Variants in MCTP2 observed in about 807,000 individuals in gnomAD.
The protein encoded by MCTP2 is multiple C2 and transmembrane domain-containing protein 2.
In MCTP2, 132 loss-of-function variants were observed where a neutral mutation model predicts 111.6. The observed-to-expected ratio is 1.18, with a 90% CI of 1.03 to 1.37. MCTP2 has a LOEUF of 1.37. MCTP2 is among the 40% of genes most tolerant of loss of function. MCTP2 has a pLI of 0.00. For synonymous variants in MCTP2, 395 were observed against 387.7 expected (o/e 1.02, Z -0.22); for missense variants, 1,183 against 1,067.9 (o/e 1.11, Z -1.50).
At position 94,315,644 on chromosome 15, in the gene MCTP2, C is replaced by T; in HGVS notation, c.637+7C>T. ...GTTGTCCGAGATCGCTGTGGTAAGACCTGGGTCTGTTATGGTGGGTGTAGC... is the reference window on the plus strand; with the variant it reads ...GTTGTCCGAGATCGCTGTGGTAAGATCTGGGTCTGTTATGGTGGGTGTAGC... On this transcript the variant is annotated splice_region_variant and intron_variant, in intron 4 of 22. Transcript: ENST00000357742. The T allele has an allele frequency of 6.2e-7, 1 of 1,606,478 alleles. No individual in the cohort carries two copies. Among genetic ancestry groups the T allele is most frequent in the Non-Finnish European group, 8.5e-7 (1 of 1,173,122 alleles).
At chr15:94,405,496 G>A (rs1262045109) in intron 17 of MCTP2, among the ~76,000 whole-genome samples, 1 of 152,198 alleles carries the variant, frequency 6.6e-6, no homozygotes, top group Non-Finnish European at 1.5e-5. Context: ...CTCGTCAGAA[G>A]TGGATGGACA....
chr15:94,397,544 C>T (rs1260644213), intron 14 of MCTP2, among the ~76,000 whole-genome samples: 2 of 152,164 alleles, frequency 1.3e-5, no homozygotes, highest in South Asian at 2.1e-4. Flanking sequence ...GTTTGGACAC[C>T]GTTTAGGAAG....
chr15:94,413,569 AGTGTGTGT>A (rs34860214), intron 17 of MCTP2, among the ~76,000 whole-genome samples: 3 of 149,242 alleles, frequency 2.0e-5, no homozygotes, highest in Non-Finnish European at 3.0e-5. Context: ...CATGACGCTG[AGTGTGTGT>A]GTGTGTGTGT....
At chr15:94,259,800 G>A (rs571271573) in intron 1 of MCTP2, among the ~76,000 whole-genome samples, 22 of 152,258 alleles carry the variant, frequency 1.4e-4, no homozygotes, top group Admixed American at 1.3e-3. Context: ...GGACATGATC[G>A]CTTGTAAAGG....
intron 1 of MCTP2, among the ~76,000 whole-genome samples, chr15:94,242,027 G>T (rs78562579): frequency 4.4e-4 from 67 of 152,246 alleles, no homozygotes; most frequent in Middle Eastern, 3.4e-3. Context: ...GAGAGAAAAG[G>T]TTCCAAATTA....
At chr15:94,295,275 A>G (rs1353550319) in intron 1 of MCTP2, among the ~76,000 whole-genome samples, 3 of 151,956 alleles carry the variant, frequency 2.0e-5, no homozygotes, top group African/African-American at 4.8e-5. Context: ...TAAAGACACA[A>G]TCTTGATGAG....
At chr15:94,302,226 G>C (rs1596307460) in intron 2 of MCTP2, among the ~76,000 whole-genome samples, 1 of 152,146 alleles carries the variant, frequency 6.6e-6, no homozygotes, top group Admixed American at 6.6e-5. Context: ...AGGGTGGTCA[G>C]GAAAGGCTTG....
intron 4 of MCTP2, among the ~76,000 whole-genome samples, chr15:94,333,088 A>T (rs960261829): frequency 1.3e-5 from 2 of 152,300 alleles, no homozygotes; most frequent in South Asian, 2.1e-4. Flanking sequence ...TACAAAAATT[A>T]GCCGGGCCTG....
At chr15:94,407,783 A>G (rs1485211148) in intron 17 of MCTP2, among the ~76,000 whole-genome samples, 3,241 of 86,718 alleles carry the variant, frequency 0.037, 49 homozygotes, top group Non-Finnish European at 0.048. Flanking sequence ...GTGCACACAC[A>G]CACACACACA....
chr15:94,451,197 G>C (rs1302852337), intron 19 of MCTP2, among the ~76,000 whole-genome samples: 5 of 152,070 alleles, frequency 3.3e-5, no homozygotes, highest in Non-Finnish European at 7.4e-5. Flanking sequence ...AAAATGGTGG[G>C]CTTGTACTCA....
intron 14 of MCTP2, among the ~76,000 whole-genome samples, chr15:94,389,763 A>C (rs1024258063): frequency 6.6e-6 from 1 of 152,066 alleles, no homozygotes; most frequent in Non-Finnish European, 1.5e-5. Flanking sequence ...AATGTGAATA[A>C]TTTTTTTGAG....
intron 21 of MCTP2, among the ~76,000 whole-genome samples, chr15:94,474,291 T>G (rs2074169602): frequency 6.6e-6 from 1 of 152,210 alleles, no homozygotes; most frequent in African/African-American, 2.4e-5. Flanking sequence ...CTTTGTCTCC[T>G]TAGCTTGTTT....
intron 12 of MCTP2, among the ~76,000 whole-genome samples, chr15:94,373,921 T>C (rs1403870041): frequency 1.3e-5 from 2 of 152,188 alleles, no homozygotes; most frequent in African/African-American, 2.4e-5. Flanking sequence ...AAATTGTACT[T>C]GGAGGCTCAA....
intron 17 of MCTP2, chr15:94,403,232 A>G: frequency 1.7e-5 from 17 of 985,350 alleles, no homozygotes; most frequent in Non-Finnish European, 2.0e-5. Context: ...TTTGGCCTTA[A>G]TAAAAACACT....
chr15:94,413,994 A>G (rs1370543637), intron 17 of MCTP2, among the ~76,000 whole-genome samples: 1 of 152,184 alleles, frequency 6.6e-6, no homozygotes, highest in African/African-American at 2.4e-5. Flanking sequence ...ACTAATTTTC[A>G]ACTTTCCTAT....
chr15:94,325,659 A>G (rs1157345655), intron 4 of MCTP2, among the ~76,000 whole-genome samples: 1 of 126,866 alleles, frequency 7.9e-6, no homozygotes, highest in African/African-American at 2.6e-5. Flanking sequence ...AAGGCACCTT[A>G]TTTGAATAAA....
intron 1 of MCTP2, among the ~76,000 whole-genome samples, chr15:94,275,195 C>T (rs1433778905): frequency 6.6e-6 from 1 of 152,092 alleles, no homozygotes; most frequent in Non-Finnish European, 1.5e-5. Context: ...CTACAGAAAA[C>T]ATAATTAAAT....
intron 17 of MCTP2, among the ~76,000 whole-genome samples, chr15:94,404,341 A>C: frequency 7.2e-6 from 1 of 139,502 alleles, no homozygotes; most frequent in South Asian, 2.3e-4. Flanking sequence ...TGACTCTGTC[A>C]CCCAGGCTGG....
chr15:94,307,554 C>T (rs978239559), intron 2 of MCTP2, among the ~76,000 whole-genome samples: 1 of 152,126 alleles, frequency 6.6e-6, no homozygotes, highest in African/African-American at 2.4e-5. Flanking sequence ...TCATGTAGGG[C>T]GTTCCTATCT....
Sources: gnomAD v4.1 joint callset for allele counts (sites outside exome capture counted in the v4.1 genomes callset) on GRCh38, gnomAD v4.1.1 for gene constraint, MANE v1.5 for transcripts, NCBI Gene and HGNC (gene_info 2026-07-23, HGNC 2026-07-21) for gene names.